MCC: variants seen among roughly 807,000 people sequenced by gnomAD.
The protein encoded by MCC is colorectal mutant cancer protein.
In MCC, 90 loss-of-function variants were observed where a neutral mutation model predicts 116.2. The observed-to-expected ratio is 0.77, with a 90% CI of 0.65 to 0.92. The LOEUF (loss-of-function observed/expected upper bound fraction) is 0.92, where lower values mean the gene tolerates loss of function less well. Among genes scored for constraint, MCC ranks in the 40% least tolerant of loss-of-function variants. The pLI, the probability that MCC is intolerant of heterozygous loss-of-function variation, is 0.00. For missense variants in MCC, 1,516 were observed against 1,312.2 expected (o/e 1.16, Z -2.40); for synonymous variants, 578 against 510.5 (o/e 1.13, Z -1.78).
At position 113,076,158 on chromosome 5, in the gene MCC, G is replaced by A. The variant is rs898048141; in HGVS notation, c.1785-4924C>T. Among the ~76,000 whole-genome samples the A allele has an allele frequency of 4.6e-5, 7 of 152,326 alleles. No individual in the cohort carries two copies. The East Asian group carries it at 9.6e-4, about 21-fold the overall frequency. The stretch of plus-strand genomic sequence containing the variant: ...CCACCAATACTGGACACAGGACTAT[G>A]TGAAAAGACCAAATCTACATCTGAT... On this transcript the variant is annotated intron_variant, in intron 11 of 18. Transcript: ENST00000408903.
At chr5:113,234,356 TA>T (rs1471150724) in intron 3 of MCC, 1 of 152,084 alleles carries the variant, frequency 6.6e-6, no homozygotes, top group East Asian at 1.9e-4. Flanking sequence ...TAAATTTTAA[TA>T]AAATCAAGGG....
intron 4 of MCC, among the ~76,000 whole-genome samples, chr5:113,149,471 G>A (rs948428322): frequency 2.6e-5 from 4 of 152,116 alleles, no homozygotes; most frequent in African/African-American, 9.6e-5. Context: ...GTGGGAAAAG[G>A]CACTGGTGGC....
chr5:113,422,748 T>C (rs1228023212), intron 1 of MCC, among the ~76,000 whole-genome samples: 3 of 152,094 alleles, frequency 2.0e-5, no homozygotes. Flanking sequence ...CTAGAAGAAA[T>C]CTGACATGGC....
chr5:113,301,137 C>G (rs1408493573), intron 3 of MCC, among the ~76,000 whole-genome samples: 3 of 152,184 alleles, frequency 2.0e-5, no homozygotes, highest in Non-Finnish European at 4.4e-5. Context: ...AGAGCTAGCA[C>G]TCTTGATGGG....
At chr5:113,486,815 C>G (rs530818351) in intron 1 of MCC, among the ~76,000 whole-genome samples, 46 of 149,226 alleles carry the variant, frequency 3.1e-4, no homozygotes, top group African/African-American at 1.0e-3. Flanking sequence ...GTACTCCAGC[C>G]TGGGTGATAG....
In MCC at chr5:113,290,961, G is replaced by C. The variant is rs73781508; in HGVS notation, c.627+49558C>G. ...GTTTATCCGTCTACATTTTCCTTTT[G>C]TATTTCTGTTGTTACTGCTATGAAT... is the stretch of plus-strand genomic sequence containing the variant. On this transcript the variant is annotated intron_variant, in intron 3 of 18. Coordinates refer to ENST00000408903, the MANE Select transcript of MCC (RefSeq NM_001085377.2). 6.0e-3 allele frequency among the ~76,000 whole-genome samples: 910 copies of C among 152,224 alleles called. 9 individuals carry two copies. The highest frequency in any genetic ancestry group is 0.021 in the African/African-American group (877 of 41,544).
intron 14 of MCC, among the ~76,000 whole-genome samples, chr5:113,057,923 C>T (rs542621044): frequency 3.3e-5 from 5 of 152,332 alleles, no homozygotes; most frequent in East Asian, 3.9e-4. Context: ...GTTTAGACAG[C>T]GTGGCGCTGG....
chr5:113,149,239 TAA>T (rs532697646), intron 4 of MCC, among the ~76,000 whole-genome samples: 1 of 147,782 alleles, frequency 6.8e-6, no homozygotes, highest in African/African-American at 2.5e-5. Context: ...TATTTTCTCT[TAA>T]AAAAAAAACA....
chr5:113,362,296 G>A (rs1019919897), intron 2 of MCC, among the ~76,000 whole-genome samples: 8 of 152,112 alleles, frequency 5.3e-5, no homozygotes, highest in Non-Finnish European at 2.9e-5. Context: ...CAAAGTGCTG[G>A]GATTACAGGC....
At chr5:113,222,085 C>T (rs1353395228) in intron 3 of MCC, among the ~76,000 whole-genome samples, 1 of 152,184 alleles carries the variant, frequency 6.6e-6, no homozygotes, top group Non-Finnish European at 1.5e-5. Flanking sequence ...AAAGTTCCCT[C>T]TATTCTTAAA....
Position 113,227,382 on chromosome 5 carries a change from C to A in MCC, c.628-75960G>T, listed in dbSNP as rs1354682012. 2.6e-5 allele frequency among the ~76,000 whole-genome samples: 4 copies of A among 152,148 alleles called. No individual in the cohort carries two copies. The East Asian group carries it at 5.8e-4, about 22-fold the overall frequency. ...GTTAGGCACTATAAGAAGTATATAG[C>A]CATACCTTAGATAACTCAAACACCC... On this transcript the variant is annotated intron_variant, in intron 3 of 18. Coordinates refer to ENST00000408903, the MANE Select transcript of MCC (RefSeq NM_001085377.2).
At chr5:113,147,616 C>T (rs935159) in intron 4 of MCC, among the ~76,000 whole-genome samples, 93,654 of 152,038 alleles carry the variant, frequency 0.62, 29,430 homozygotes, top group East Asian at 0.73. Context: ...CAAGGTCACA[C>T]AGGATTTGTC....
rs369522941 is a variant in MCC, at chr5:113,385,196, C to A, written c.187G>T (p.Val63Phe). The change falls in exon 2 of 19, where the codon GTC (valine) becomes TTC (phenylalanine). Residue 63 changes from valine (V) to phenylalanine (F), a missense_variant. Transcript: ENST00000408903. ...GYISRNDLLM[V>F]CRQLNMEESV... Reference sequence around the variant, plus strand: ...TCTTCCATATTCAGCTGGCGACAGACCATTAGCAAGTCATTTCTGCAGAAG... The same window carrying A: ...TCTTCCATATTCAGCTGGCGACAGAACATTAGCAAGTCATTTCTGCAGAAG... The A allele has an allele frequency of 1.9e-6, 3 of 1,613,676 alleles. No homozygotes were observed. Among genetic ancestry groups the A allele is most frequent in the African/African-American group, 2.7e-5 (2 of 74,830 alleles).
chr5:113,131,502 T>C (rs556833455), intron 5 of MCC, among the ~76,000 whole-genome samples: 18 of 152,338 alleles, frequency 1.2e-4, no homozygotes, highest in South Asian at 2.1e-4. Flanking sequence ...GGATTTAGGA[T>C]ACATTAGGCA....
chr5:113,049,058 A>G, intron 16 of MCC, 35 bp downstream of exon 16: 1 of 1,601,280 alleles, frequency 6.2e-7, no homozygotes, highest in Non-Finnish European at 8.5e-7. Context: ...GCAGTCACTG[A>G]GCCTAAGGGT....
At chr5:113,044,363 A>C (rs11749921) in intron 16 of MCC, 204,310 of 427,070 alleles carry the variant, frequency 0.48, 49,311 homozygotes, top group African/African-American at 0.53. Flanking sequence ...CCAGTGCTCC[A>C]AATCCTATAG....
At chr5:113,405,090 T>C (rs960374607) in intron 1 of MCC, among the ~76,000 whole-genome samples, 3 of 152,250 alleles carry the variant, frequency 2.0e-5, no homozygotes, top group Non-Finnish European at 4.4e-5. Context: ...ATACCAGCTC[T>C]ATAGTGGCAG....
intron 11 of MCC, among the ~76,000 whole-genome samples, chr5:113,082,213 A>G (rs762937840): frequency 1.4e-4 from 21 of 152,284 alleles, no homozygotes; most frequent in Non-Finnish European, 2.5e-4. Context: ...AAAATGGGGT[A>G]TATGGTAAAA....
chr5:113,200,577 T>C (rs1276457435), intron 3 of MCC, among the ~76,000 whole-genome samples: 1 of 152,190 alleles, frequency 6.6e-6, no homozygotes, highest in African/African-American at 2.4e-5. Flanking sequence ...TCCACTTAGT[T>C]AGGCTAGACC....
Sources: gnomAD v4.1 joint callset for allele counts (sites outside exome capture counted in the v4.1 genomes callset) on GRCh38, gnomAD v4.1.1 for gene constraint, MANE v1.5 for transcripts, NCBI Gene and HGNC (gene_info 2026-07-23, HGNC 2026-07-21) for gene names.